CNTNAP2: variants seen among roughly 807,000 people sequenced by gnomAD.
The protein encoded by CNTNAP2 is contactin-associated protein-like 2.
CNTNAP2 carries 98 observed loss-of-function variants against 155.2 expected under a neutral mutation model. The ratio of observed to expected loss-of-function variants is 0.63; its 90% confidence interval spans 0.54 to 0.75. CNTNAP2 has a LOEUF of 0.75. Ranked by LOEUF, CNTNAP2 falls within the 30% of genes least tolerant of loss-of-function variation. CNTNAP2 has a pLI of 0.00. For missense variants in CNTNAP2, 1,727 were observed against 1,688.1 expected, an observed-to-expected ratio of 1.02 and a Z score of -0.40; for synonymous variants, 651 against 631.2, an observed-to-expected ratio of 1.03 and a Z score of -0.47.
intron 1 of CNTNAP2, among the ~76,000 whole-genome samples, chr7:146,389,881 A>G (rs1795515461): frequency 6.6e-6 from 1 of 151,574 alleles, no homozygotes; most frequent in Admixed American, 6.6e-5. Context: ...TTGTATTTTT[A>G]GTAGAGACAG....
At chr7:147,368,304 G>A (rs1375329529) in intron 9 of CNTNAP2, among the ~76,000 whole-genome samples, 1 of 152,016 alleles carries the variant, frequency 6.6e-6, no homozygotes, top group Admixed American at 6.6e-5. Flanking sequence ...AAGCACAGAA[G>A]GAGGTAGAGG....
At chr7:146,361,183 C>CA (rs2129100854) in intron 1 of CNTNAP2, among the ~76,000 whole-genome samples, 1 of 152,228 alleles carries the variant, frequency 6.6e-6, no homozygotes, top group African/African-American at 2.4e-5. Flanking sequence ...ATGAACTCCA[C>CA]AGGTTTGAAC....
chr7:148,336,274 A>G (rs1383895919), intron 21 of CNTNAP2, among the ~76,000 whole-genome samples: 2 of 152,224 alleles, frequency 1.3e-5, no homozygotes, highest in Non-Finnish European at 2.9e-5. Flanking sequence ...CTTATTTAAT[A>G]CAAATAGTGA....
chr7:146,850,707 C>CA (rs988585232), intron 3 of CNTNAP2, among the ~76,000 whole-genome samples: 39 of 147,964 alleles, frequency 2.6e-4, no homozygotes, highest in East Asian at 1.2e-3. Context: ...TGTATGAAAG[C>CA]AAAAAAAAAT....
rs73154364 is a variant in CNTNAP2 at position 147,124,465 on chromosome 7, C to A, written c.939+3302C>A. 2.0e-5 allele frequency among the ~76,000 whole-genome samples: 3 copies of A among 152,054 alleles called. No individual in the cohort carries two copies. The South Asian group carries it at 6.2e-4, about 32-fold the overall frequency. On this transcript the variant is annotated intron_variant, in intron 6 of 23. Transcript: ENST00000361727. The stretch of plus-strand genomic sequence containing the variant: ...ATAGCATTTGTTAATTTTCATGGTG[C>A]GAATTTCCCACCATGGTTGATTTCA...
At chr7:147,964,449 C>T (rs1332722266) in intron 14 of CNTNAP2, among the ~76,000 whole-genome samples, 1 of 152,070 alleles carries the variant, frequency 6.6e-6, no homozygotes, top group African/African-American at 2.4e-5. Context: ...TTTTCCTTTC[C>T]TATTTTCAGA....
chr7:146,151,674 A>G (rs796872292), intron 1 of CNTNAP2, among the ~76,000 whole-genome samples: 2,942 of 41,410 alleles, frequency 0.071, 181 homozygotes, highest in South Asian at 0.11. Context: ...ATATATATAT[A>G]TATATATGTA....
intron 1 of CNTNAP2, among the ~76,000 whole-genome samples, chr7:146,589,028 T>G (rs1430189226): frequency 1.3e-5 from 2 of 152,192 alleles, no homozygotes; most frequent in Non-Finnish European, 2.9e-5. Flanking sequence ...TCTTTCCTTT[T>G]CCTTAGCATC....
intron 1 of CNTNAP2, among the ~76,000 whole-genome samples, chr7:146,606,564 C>T (rs1365291885): frequency 6.6e-6 from 1 of 152,120 alleles, no homozygotes; most frequent in Non-Finnish European, 1.5e-5. Flanking sequence ...AAGTCTATAA[C>T]ATTCATTTTT....
At chr7:148,354,215 AAAACAAGTCTGG>A (rs1261756302) in intron 21 of CNTNAP2, among the ~76,000 whole-genome samples, 1 of 146,724 alleles carries the variant, frequency 6.8e-6, no homozygotes, top group African/African-American at 2.5e-5. Context: ...TGTAAACCAG[AAAACAAGTCTGG>A]TGTTAAGCCT....
At chr7:147,117,159 T>C (rs7794614) in intron 5 of CNTNAP2, among the ~76,000 whole-genome samples, 44,011 of 151,876 alleles carry the variant, frequency 0.29, 7,737 homozygotes, top group Middle Eastern at 0.42. Context: ...CTTGCCTGAG[T>C]TGCAGACACC....
intron 17 of CNTNAP2, among the ~76,000 whole-genome samples, chr7:148,162,597 A>G (rs1247555345): frequency 6.6e-6 from 1 of 152,246 alleles, no homozygotes; most frequent in South Asian, 2.1e-4. Flanking sequence ...GCATCAAAAA[A>G]GTGTCTTCTC....
intron 14 of CNTNAP2, among the ~76,000 whole-genome samples, chr7:147,959,015 A>G (rs2116840283): frequency 6.6e-6 from 1 of 152,316 alleles, no homozygotes; most frequent in East Asian, 1.9e-4. Flanking sequence ...TCCACTTTTT[A>G]TTAAACTGTG....
intron 21 of CNTNAP2, among the ~76,000 whole-genome samples, chr7:148,326,797 G>A (rs118119822): frequency 0.016 from 2,452 of 151,820 alleles, 25 homozygotes; most frequent in Non-Finnish European, 0.024. Context: ...TCAGGGAGAT[G>A]GAGCTTGCAG....
At chr7:148,149,355 G>C (rs941486665) in intron 17 of CNTNAP2, among the ~76,000 whole-genome samples, 3 of 152,058 alleles carry the variant, frequency 2.0e-5, no homozygotes, top group East Asian at 1.9e-4. Flanking sequence ...AAAGAGCAAG[G>C]GCCTGAGATC....
chr7:147,249,663 C>T (rs370652189), intron 8 of CNTNAP2, among the ~76,000 whole-genome samples: 3 of 143,634 alleles, frequency 2.1e-5, no homozygotes, highest in Non-Finnish European at 3.0e-5. Flanking sequence ...TCTCACACCA[C>T]AGAAGATTCA....
intron 1 of CNTNAP2, among the ~76,000 whole-genome samples, chr7:146,613,142 A>C (rs1799166652): frequency 6.6e-6 from 1 of 152,086 alleles, no homozygotes; most frequent in African/African-American, 2.4e-5. Flanking sequence ...GCAGAGACAA[A>C]TTGTCTTGGT....
chr7:146,313,429 C>T (rs1183013251), intron 1 of CNTNAP2, among the ~76,000 whole-genome samples: 2 of 152,082 alleles, frequency 1.3e-5, no homozygotes, highest in East Asian at 1.9e-4. Context: ...AGTTAAATTC[C>T]TCATATGACG....
intron 9 of CNTNAP2, among the ~76,000 whole-genome samples, chr7:147,392,995 T>TG (rs1796746427): frequency 1.3e-5 from 2 of 152,140 alleles, no homozygotes; most frequent in Middle Eastern, 6.8e-3. Context: ...TTACCTCTCC[T>TG]GGGCCACTCC....
Sources: allele counts gnomAD v4.1 joint callset (sites outside exome capture counted in the v4.1 genomes callset), GRCh38; gene constraint gnomAD v4.1.1; transcripts MANE v1.5; gene names NCBI Gene and HGNC (gene_info 2026-07-23, HGNC 2026-07-21).